GRID1: variants seen among roughly 807,000 people sequenced by gnomAD.
The protein encoded by GRID1 is glutamate ionotropic receptor delta type subunit 1.
A neutral mutation model predicts 98.0 loss-of-function variants in GRID1; 28 were observed. The ratio of observed to expected loss-of-function variants is 0.29; its 90% CI spans 0.21 to 0.39. The LOEUF is 0.39. Among genes scored for constraint, GRID1 ranks in the 10% least tolerant of loss-of-function variants. The pLI is 1.00. For synonymous variants in GRID1, 553 were observed against 538.5 expected, an observed-to-expected ratio of 1.03 and a Z score of -0.37; for missense variants, 1,111 against 1,340.5, an observed-to-expected ratio of 0.83 and a Z score of 2.67.
intron 8 of GRID1, among the ~76,000 whole-genome samples, chr10:85,819,831 T>C (rs1375745363): frequency 6.6e-6 from 1 of 151,754 alleles, no homozygotes; most frequent in Non-Finnish European, 1.5e-5. Flanking sequence ...GGAGAATCAC[T>C]TGAACCCAGG....
intron 12 of GRID1, among the ~76,000 whole-genome samples, chr10:85,694,290 T>A (rs1841364587): frequency 6.6e-6 from 1 of 151,962 alleles, no homozygotes; most frequent in Non-Finnish European, 1.5e-5. Flanking sequence ...GGGGAGCATG[T>A]GGAGAAAAGG....
In GRID1 at chr10:86,023,569, T is replaced by C. The variant is rs192765159; in HGVS notation, c.727-107330A>G. Among the ~76,000 whole-genome samples, 14 of 152,182 alleles carry C rather than the reference T, an allele frequency of 9.2e-5. No individual in the cohort carries two copies. The East Asian group carries it at 2.7e-3, about 30-fold the overall frequency. ...TCCAGACCCCTCTCTTGAACACCAT[T>C]TCTTTATTACCCACTGCTTGCTGAC... On this transcript the variant is annotated intron_variant, in intron 4 of 15. Transcript: ENST00000327946.
intron 15 of GRID1, chr10:85,607,064 G>A (rs1292155409): frequency 2.6e-5 from 4 of 152,158 alleles, no homozygotes; most frequent in African/African-American, 9.7e-5. Flanking sequence ...TTCCAGCTCT[G>A]CGTTTCTCAT....
intron 8 of GRID1, among the ~76,000 whole-genome samples, chr10:85,842,292 G>T (rs1842967883): frequency 6.6e-6 from 1 of 151,960 alleles, no homozygotes; most frequent in Non-Finnish European, 1.5e-5. Context: ...ACACATAGAT[G>T]GAAACACACA....
intron 3 of GRID1, among the ~76,000 whole-genome samples, chr10:86,187,385 A>G (rs1845740342): frequency 6.6e-6 from 1 of 152,194 alleles, no homozygotes; most frequent in South Asian, 2.1e-4. Flanking sequence ...TGAGTACCTC[A>G]CCCAAGTTCA....
chr10:86,107,877 T>C (rs1844415631), intron 4 of GRID1, among the ~76,000 whole-genome samples: 1 of 151,980 alleles, frequency 6.6e-6, no homozygotes, highest in Non-Finnish European at 1.5e-5. Context: ...GAAAACCATC[T>C]CCCTTCTTGC....
intron 2 of GRID1, among the ~76,000 whole-genome samples, chr10:86,275,847 G>A (rs1329987062): frequency 2.0e-5 from 3 of 151,998 alleles, no homozygotes; most frequent in Non-Finnish European, 2.9e-5. Flanking sequence ...GAGATAAAGG[G>A]GAAGAAGAAT....
intron 5 of GRID1, among the ~76,000 whole-genome samples, chr10:85,904,686 C>T (rs932633660): frequency 4.0e-5 from 6 of 150,750 alleles, no homozygotes; most frequent in South Asian, 2.1e-4. Flanking sequence ...TCAAAAACTT[C>T]TAGAAATCAA....
chr10:86,077,485 C>T (rs533894176), intron 4 of GRID1, among the ~76,000 whole-genome samples: 18 of 152,274 alleles, frequency 1.2e-4, no homozygotes, highest in East Asian at 1.9e-4. Flanking sequence ...ACTTTGAGCT[C>T]GGTCCCACCT....
intron 8 of GRID1, among the ~76,000 whole-genome samples, chr10:85,755,064 T>C (rs971179158): frequency 6.6e-6 from 1 of 152,172 alleles, no homozygotes; most frequent in African/African-American, 2.4e-5. Flanking sequence ...GGGTTTTTAG[T>C]CTTTTCTTCT....
At chr10:85,753,578 G>A (rs1318955901) in intron 8 of GRID1, among the ~76,000 whole-genome samples, 1 of 152,208 alleles carries the variant, frequency 6.6e-6, no homozygotes, top group African/African-American at 2.4e-5. Flanking sequence ...TCCCATTGCT[G>A]GGGAGCCAAT....
In GRID1 at chr10:85,662,464, C is replaced by T. The variant is rs569443724; in HGVS notation, c.1998-15067G>A. Among the ~76,000 whole-genome samples the T allele has an allele frequency of 3.9e-5, 6 of 152,330 alleles. No homozygotes were observed. In the East Asian group the frequency reaches 1.2e-3, roughly 29 times the overall value. ...GTGAAAGGAGCCGCTGGGCCAGCAA[C>T]GCGGCTGTGGGTGGAGCCATCTCAG... On this transcript the variant is annotated intron_variant, in intron 12 of 15. Coordinates refer to ENST00000327946, the MANE Select transcript of GRID1 (RefSeq NM_017551.3).
intron 2 of GRID1, chr10:86,264,553 C>T (rs1847072453): frequency 2.3e-6 from 1 of 431,990 alleles, no homozygotes; most frequent in Non-Finnish European, 4.6e-6. Flanking sequence ...AGGCTGGCCA[C>T]TCCACCTGGA....
At chr10:86,151,867 C>G (rs1222341364) in intron 3 of GRID1, among the ~76,000 whole-genome samples, 4 of 152,174 alleles carry the variant, frequency 2.6e-5, no homozygotes, top group Admixed American at 1.3e-4. Context: ...ACAACTCCCA[C>G]CCTCTCAGTG....
chr10:86,154,482 C>A (rs1015173703), intron 3 of GRID1, among the ~76,000 whole-genome samples: 1 of 152,108 alleles, frequency 6.6e-6, no homozygotes, highest in East Asian at 1.9e-4. Context: ...ACAGTCCACA[C>A]CCTGGTCTCC....
At chr10:86,233,241 A>T (rs971796228) in intron 2 of GRID1, among the ~76,000 whole-genome samples, 1 of 151,872 alleles carries the variant, frequency 6.6e-6, no homozygotes, top group African/African-American at 2.4e-5. Flanking sequence ...CACCTCAGCC[A>T]GGTTCGGTGC....
chr10:86,071,003 C>T (rs534962195), intron 4 of GRID1, among the ~76,000 whole-genome samples: 5 of 152,342 alleles, frequency 3.3e-5, no homozygotes. Context: ...AGCTGACACA[C>T]TGCAGGTGAA....
intron 4 of GRID1, among the ~76,000 whole-genome samples, chr10:86,082,515 C>G (rs1039764050): frequency 9.9e-5 from 15 of 152,172 alleles, no homozygotes; most frequent in Non-Finnish European, 1.3e-4. Flanking sequence ...TGGGCCATTG[C>G]AATAACTTCT....
chr10:85,812,743 T>TC (rs1842683061), intron 8 of GRID1, among the ~76,000 whole-genome samples: 1 of 151,756 alleles, frequency 6.6e-6, no homozygotes, highest in South Asian at 2.1e-4. Flanking sequence ...TCTCTCTCTC[T>TC]CTCTCTCTCC....
Sources: gnomAD v4.1 joint callset for allele counts (sites outside exome capture counted in the v4.1 genomes callset) on GRCh38, gnomAD v4.1.1 for gene constraint, MANE v1.5 for transcripts, NCBI Gene and HGNC (gene_info 2026-07-23, HGNC 2026-07-21) for gene names.